Variants in PSD3 observed in about 807,000 individuals in gnomAD.
PSD3 encodes the protein PH and SEC7 domain-containing protein 3.
In PSD3, 49 loss-of-function variants were observed where a neutral mutation model predicts 105.5. The ratio of observed to expected loss-of-function variants is 0.46; its 90% CI spans 0.37 to 0.59. The LOEUF (loss-of-function observed/expected upper bound fraction) is 0.59, where lower values mean the gene tolerates loss of function less well. Ranked by LOEUF, PSD3 falls within the 20% of genes least tolerant of loss-of-function variation. The pLI is 0.00. For synonymous variants in PSD3, 557 were observed against 457.8 expected (o/e 1.22, Z -2.77); for missense variants, 1,561 against 1,263.8 (o/e 1.24, Z -3.57).
intron 2 of PSD3, among the ~76,000 whole-genome samples, chr8:18,901,566 G>A (rs1298630570): frequency 6.6e-6 from 1 of 151,982 alleles, no homozygotes; most frequent in East Asian, 1.9e-4. Flanking sequence ...GTGGTTTTCT[G>A]TAGCCTAAGT....
At chr8:18,863,113 T>G (rs1816571789) in intron 4 of PSD3, among the ~76,000 whole-genome samples, 1 of 152,124 alleles carries the variant, frequency 6.6e-6, no homozygotes, top group Non-Finnish European at 1.5e-5. Context: ...CTTCATATAT[T>G]CCAAAGAACC....
chr8:18,609,709 T>G, intron 11 of PSD3, among the ~76,000 whole-genome samples: 1 of 152,362 alleles, frequency 6.6e-6, no homozygotes, highest in Middle Eastern at 3.4e-3. Context: ...CTTTCTGCAA[T>G]TGATGTGCAA....
chr8:18,593,313 G>T (rs77940884), intron 12 of PSD3, among the ~76,000 whole-genome samples: 61,758 of 151,936 alleles, frequency 0.41, 12,603 homozygotes, highest in South Asian at 0.56. Flanking sequence ...AGTGGGTGAA[G>T]GATATGAACA....
chr8:18,620,342 G>GTTT (rs57785765), intron 11 of PSD3, among the ~76,000 whole-genome samples: 28 of 121,718 alleles, frequency 2.3e-4, no homozygotes, highest in South Asian at 1.4e-3. Context: ...TTGGGTTTGT[G>GTTT]TTTTTTTTTT....
intron 8 of PSD3, among the ~76,000 whole-genome samples, chr8:18,795,209 C>G (rs1404440918): frequency 1.3e-5 from 2 of 152,086 alleles, no homozygotes; most frequent in African/African-American, 4.8e-5. Context: ...ACTTACAACC[C>G]AACACTAAAA....
intron 4 of PSD3, among the ~76,000 whole-genome samples, chr8:18,821,684 A>AACACATACACAC (rs1812719224): frequency 7.6e-6 from 1 of 131,324 alleles, no homozygotes; most frequent in Admixed American, 7.9e-5. Flanking sequence ...TGACCCCCAC[A>AACACATACACAC]ACACACACAC....
chr8:18,675,793 T>A (rs971981889), intron 9 of PSD3, among the ~76,000 whole-genome samples: 2 of 152,204 alleles, frequency 1.3e-5, no homozygotes, highest in Admixed American at 1.3e-4. Context: ...ACTTCCATCA[T>A]AAATTAATAT....
At chr8:18,805,036 A>C (rs1238137007) in intron 4 of PSD3, 138 bp from the exon 5 acceptor site, 1 of 776,240 alleles carries the variant, frequency 1.3e-6, no homozygotes, top group East Asian at 2.9e-5. Flanking sequence ...ATATTCATAA[A>C]AATTTTTTCA....
chr8:18,543,878 T>C (rs1166679063), intron 15 of PSD3, among the ~76,000 whole-genome samples: 1 of 152,128 alleles, frequency 6.6e-6, no homozygotes, highest in Non-Finnish European at 1.5e-5. Flanking sequence ...GAGCCCTGCA[T>C]ACCATTTTAT....
intron 9 of PSD3, among the ~76,000 whole-genome samples, chr8:18,657,422 T>C (rs182634718): frequency 5.5e-4 from 84 of 152,344 alleles, no homozygotes; most frequent in Middle Eastern, 3.4e-3. Context: ...AATTCAACTA[T>C]TGAAATATTA....
At chr8:18,896,707 C>T (rs182912252) in intron 2 of PSD3, among the ~76,000 whole-genome samples, 7 of 151,810 alleles carry the variant, frequency 4.6e-5, no homozygotes, top group Non-Finnish European at 1.5e-5. Context: ...ACCACCATGC[C>T]TGGCCTCCTT....
At chr8:18,973,810 A>G (rs940272592) in intron 1 of PSD3, among the ~76,000 whole-genome samples, 3 of 152,234 alleles carry the variant, frequency 2.0e-5, no homozygotes, top group Admixed American at 2.0e-4. Flanking sequence ...TGCTGTTATT[A>G]TTAAACTATA....
intron 9 of PSD3, among the ~76,000 whole-genome samples, chr8:18,745,773 C>T (rs1175503657): frequency 6.6e-6 from 1 of 152,158 alleles, no homozygotes; most frequent in Non-Finnish European, 1.5e-5. Flanking sequence ...GCAAACTCAC[C>T]TACGTTTCTG....
At chr8:18,835,661 G>T (rs1413166828) in intron 4 of PSD3, among the ~76,000 whole-genome samples, 1 of 152,224 alleles carries the variant, frequency 6.6e-6, no homozygotes, top group East Asian at 1.9e-4. Flanking sequence ...AGGCAGGCAG[G>T]TAAGTGCCCA....
At chr8:18,799,468 C>T in intron 7 of PSD3, 115 bp from the exon 8 acceptor site, 1 of 788,962 alleles carries the variant, frequency 1.3e-6, no homozygotes, top group African/African-American at 1.7e-5. Context: ...GTGCTAGGTA[C>T]AATTAGTCCT....
intron 4 of PSD3, among the ~76,000 whole-genome samples, chr8:18,826,033 T>C (rs774207924): frequency 5.3e-5 from 8 of 152,082 alleles, no homozygotes; most frequent in Non-Finnish European, 1.2e-4. Flanking sequence ...CCCTCCCCAA[T>C]GTAGGTGGGT....
At chr8:18,722,926 G>A (rs1384675485) in intron 9 of PSD3, among the ~76,000 whole-genome samples, 4 of 152,150 alleles carry the variant, frequency 2.6e-5, no homozygotes, top group Non-Finnish European at 5.9e-5. Flanking sequence ...ATAGAATGCC[G>A]TATGTCCCTT....
At chr8:18,967,619 C>T (rs1296463546) in intron 1 of PSD3, among the ~76,000 whole-genome samples, 1 of 152,108 alleles carries the variant, frequency 6.6e-6, no homozygotes, top group Non-Finnish European at 1.5e-5. Flanking sequence ...CATCTTAGAA[C>T]CTTTGACCAT....
chr8:18,575,158 G>A lies in PSD3; in HGVS notation c.2609C>T (p.Ala870Val), dbSNP rs780307552. The A allele has an allele frequency of 6.2e-7, 1 of 1,613,354 alleles. No homozygotes were observed. The highest frequency in any genetic ancestry group is 1.3e-5 in the African/African-American group (1 of 74,994). ...KKPNVFKLKT[A>V]DWRVLLFQTQ... is the part of the protein sequence containing the mutation. ...TTGAAAAAGCAAGACCCTCCAGTCG[G>A]CAGTTTTAAGTTTAAACACGTTTGG... Residue 870 changes from alanine (A) to valine (V), a missense_variant, in exon 13 of 16, where the codon GCC (alanine) becomes GTC (valine). Coordinates refer to ENST00000327040, the MANE Select transcript of PSD3 (RefSeq NM_015310.4).
Sources: allele counts gnomAD v4.1 joint callset (sites outside exome capture counted in the v4.1 genomes callset), GRCh38; gene constraint gnomAD v4.1.1; transcripts MANE v1.5; gene names NCBI Gene and HGNC (gene_info 2026-07-23, HGNC 2026-07-21).